FILIP1L: variants seen among roughly 807,000 people sequenced by gnomAD.
The protein encoded by FILIP1L is filamin A interacting protein 1 like, also known as filamin A-interacting protein 1-like.
FILIP1L carries 55 observed loss-of-function variants against 96.6 expected under a neutral mutation model. That is an observed-to-expected ratio of 0.57 (90% CI 0.46 to 0.71). FILIP1L has a LOEUF of 0.71. Ranked by LOEUF, FILIP1L falls within the 30% of genes least tolerant of loss-of-function variation. FILIP1L has a pLI of 0.00. For synonymous variants in FILIP1L, 467 were observed against 473.9 expected, an observed-to-expected ratio of 0.99 and a Z score of 0.19; for missense variants, 1,304 against 1,321.2, an observed-to-expected ratio of 0.99 and a Z score of 0.20.
chr3:99,907,934 CAGTA>C (rs1706674097), intron 4 of FILIP1L, among the ~76,000 whole-genome samples: 1 of 152,162 alleles, frequency 6.6e-6, no homozygotes, highest in African/African-American at 2.4e-5. Context: ...GGAAGGAACT[CAGTA>C]AGCATTTTGA....
chr3:100,028,772 G>A (rs1226312974), intron 1 of FILIP1L, among the ~76,000 whole-genome samples: 1 of 152,038 alleles, frequency 6.6e-6, no homozygotes, highest in Non-Finnish European at 1.5e-5. Context: ...GTCAGTTCTT[G>A]TTTTCTTAAG....
chr3:100,105,327 G>C (rs2066376184), intron 1 of FILIP1L, among the ~76,000 whole-genome samples: 1 of 152,144 alleles, frequency 6.6e-6, no homozygotes, highest in African/African-American at 2.4e-5. Context: ...AAAGACATGA[G>C]CAATAGGAAT....
At chr3:100,068,989 C>G (rs2065715492) in intron 1 of FILIP1L, among the ~76,000 whole-genome samples, 1 of 152,162 alleles carries the variant, frequency 6.6e-6, no homozygotes, top group Non-Finnish European at 1.5e-5. Flanking sequence ...AGGGAGCTGC[C>G]GTTCTGCTCC....
intron 1 of FILIP1L, among the ~76,000 whole-genome samples, chr3:100,074,120 G>A (rs1238568327): frequency 2.0e-5 from 3 of 152,126 alleles, no homozygotes; most frequent in Admixed American, 6.6e-5. Context: ...TCTTGTTTAT[G>A]TATGCTGTAA....
At chr3:100,102,471 T>G (rs952030592) in intron 1 of FILIP1L, among the ~76,000 whole-genome samples, 1 of 152,236 alleles carries the variant, frequency 6.6e-6, no homozygotes, top group African/African-American at 2.4e-5. Context: ...CAGCGTGATT[T>G]CTGCTTCTCC....
intron 1 of FILIP1L, among the ~76,000 whole-genome samples, chr3:100,103,528 T>G (rs1576065103): frequency 6.6e-6 from 1 of 152,218 alleles, no homozygotes; most frequent in Non-Finnish European, 1.5e-5. Flanking sequence ...TTGAATCAGG[T>G]TTTTTCTAGG....
At chr3:99,982,937 A>C (rs570480654) in intron 1 of FILIP1L, among the ~76,000 whole-genome samples, 1 of 152,306 alleles carries the variant, frequency 6.6e-6, no homozygotes, top group African/African-American at 2.4e-5. Flanking sequence ...ACATCAAAGT[A>C]ATACATACAG....
chr3:99,832,589 T>G (rs1942716206), intron 5 of FILIP1L, among the ~76,000 whole-genome samples: 1 of 133,590 alleles, frequency 7.5e-6, no homozygotes, highest in Non-Finnish European at 1.6e-5. Context: ...ATACCTGTAA[T>G]CCCAGCACTT....
At chr3:100,054,713 A>G (rs1241407058) in intron 1 of FILIP1L, among the ~76,000 whole-genome samples, 1 of 152,068 alleles carries the variant, frequency 6.6e-6, no homozygotes, top group Non-Finnish European at 1.5e-5. Context: ...TCTGGGCTGC[A>G]CTGTCTTTTA....
chr3:99,938,423 G>A (rs934936638), intron 1 of FILIP1L, among the ~76,000 whole-genome samples: 6 of 152,160 alleles, frequency 3.9e-5, no homozygotes, highest in South Asian at 2.1e-4. Context: ...TGCATAACAC[G>A]GAGTGAGTCT....
intron 4 of FILIP1L, among the ~76,000 whole-genome samples, chr3:99,861,378 G>A (rs188380327): frequency 5.9e-5 from 9 of 152,192 alleles, no homozygotes; most frequent in Non-Finnish European, 1.0e-4. Context: ...AGCATGTGAT[G>A]CCTTGTATTA....
intron 3 of FILIP1L, among the ~76,000 whole-genome samples, chr3:99,928,277 G>C (rs566085705): frequency 2.6e-5 from 4 of 152,292 alleles, no homozygotes; most frequent in African/African-American, 9.6e-5. Context: ...CTAGACCGAG[G>C]AAAAGGATAG....
intron 1 of FILIP1L, among the ~76,000 whole-genome samples, chr3:100,034,046 G>A (rs1332506464): frequency 6.6e-6 from 1 of 152,122 alleles, no homozygotes; most frequent in Non-Finnish European, 1.5e-5. Context: ...AACCCGCCAT[G>A]CGTTATTTTG....
intron 1 of FILIP1L, among the ~76,000 whole-genome samples, chr3:99,964,617 A>T (rs556217166): frequency 1.1e-4 from 17 of 152,144 alleles, no homozygotes; most frequent in African/African-American, 3.9e-4. Flanking sequence ...CTGTGTGTCT[A>T]GGGCCAAAAG....
At chr3:100,042,835 G>A (rs1045399686) in intron 1 of FILIP1L, among the ~76,000 whole-genome samples, 3 of 152,122 alleles carry the variant, frequency 2.0e-5, no homozygotes, top group Admixed American at 6.5e-5. Flanking sequence ...CGGGAAGCTG[G>A]GACAGTTCAA....
At chr3:99,907,383 G>A (rs1290970927) in intron 4 of FILIP1L, among the ~76,000 whole-genome samples, 2 of 152,112 alleles carry the variant, frequency 1.3e-5, no homozygotes, top group East Asian at 1.9e-4. Flanking sequence ...CAACAGCTGG[G>A]ACTACAGGCG....
At chr3:99,957,018 C>T (rs1227021487) in intron 1 of FILIP1L, among the ~76,000 whole-genome samples, 1 of 152,146 alleles carries the variant, frequency 6.6e-6, no homozygotes, top group Admixed American at 6.5e-5. Context: ...CTGTCTTTTT[C>T]CCAGCTGCCC....
chr3:100,093,441 T>A (rs1000075081), intron 1 of FILIP1L, among the ~76,000 whole-genome samples: 1 of 152,124 alleles, frequency 6.6e-6, no homozygotes, highest in African/African-American at 2.4e-5. Flanking sequence ...ACAAAAAATA[T>A]ATACTTTTTT....
intron 1 of FILIP1L, among the ~76,000 whole-genome samples, chr3:100,079,968 A>G (rs2107400398): frequency 1.3e-5 from 2 of 152,286 alleles, no homozygotes; most frequent in Admixed American, 6.5e-5. Flanking sequence ...TGGCATATTG[A>G]GAAACAGAGT....
Sources: gnomAD v4.1 joint callset for allele counts (sites outside exome capture counted in the v4.1 genomes callset) on GRCh38, gnomAD v4.1.1 for gene constraint, MANE v1.5 for transcripts, NCBI Gene and HGNC (gene_info 2026-07-23, HGNC 2026-07-21) for gene names.